CHGB: variants seen among roughly 807,000 people sequenced by gnomAD.
CHGB encodes the protein secretogranin-1.
A neutral mutation model predicts 69.9 loss-of-function variants in CHGB; 46 were observed. The observed-to-expected ratio is 0.66, with a 90% CI of 0.52 to 0.84. The LOEUF (loss-of-function observed/expected upper bound fraction) is 0.84, where lower values mean the gene tolerates loss of function less well. Ranked by LOEUF, CHGB falls within the 40% of genes least tolerant of loss-of-function variation. The probability of loss-of-function intolerance (pLI) is 0.00; values close to 1 mark genes in which losing one functional copy is unlikely to be tolerated. For missense variants in CHGB, 796 were observed against 822.2 expected (o/e 0.97, Z 0.39); for synonymous variants, 312 against 298.2 (o/e 1.05, Z -0.48).
chr20:5,915,728 CT>C (rs35931464), intron 1 of CHGB: 13,837 of 147,754 alleles, frequency 0.094, 1,008 homozygotes, highest in Admixed American at 0.18. Flanking sequence ...TTGGTTTAAA[CT>C]TTTTTTTTTT....
intron 4 of CHGB, among the ~76,000 whole-genome samples, 199 bp downstream of exon 4, chr20:5,924,299 C>T (rs1171917901): frequency 6.6e-6 from 1 of 152,196 alleles, no homozygotes; most frequent in East Asian, 1.9e-4. Context: ...TTGTCCACCT[C>T]ACTCGGTTGC....
intron 3 of CHGB, among the ~76,000 whole-genome samples, chr20:5,920,008 T>C (rs1463023585): frequency 6.8e-6 from 1 of 147,810 alleles, no homozygotes; most frequent in East Asian, 1.9e-4. Flanking sequence ...TGGTCATCCT[T>C]ACAGCATGAC....
chr20:5,916,733 G>A (rs536872116), intron 2 of CHGB, 93 bp from the exon 3 acceptor site: 9 of 1,130,086 alleles, frequency 8.0e-6, no homozygotes, highest in South Asian at 2.5e-5. Context: ...CCCAGGTCAC[G>A]TAATCAAGTC....
intron 4 of CHGB, among the ~76,000 whole-genome samples, 166 bp downstream of exon 4, chr20:5,924,266 A>G (rs1026459767): frequency 6.6e-6 from 1 of 152,120 alleles, no homozygotes; most frequent in African/African-American, 2.4e-5. Flanking sequence ...GTTTCCACCT[A>G]CCTCTAGCCA....
At chr20:5,911,817 C>T (rs2088448688) in intron 1 of CHGB, 135 bp downstream of exon 1, 1 of 844,938 alleles carries the variant, frequency 1.2e-6, no homozygotes, top group African/African-American at 1.8e-5. Context: ...TGCTTCGTTT[C>T]TTCTCCTCCC....
intron 1 of CHGB, chr20:5,915,534 T>C (rs1320596899): frequency 3.3e-5 from 5 of 152,096 alleles, no homozygotes; most frequent in Admixed American, 6.6e-5. Context: ...GCAAAGGCCT[T>C]GCGGGTGAAA....
At chr20:5,916,258 G>C in intron 1 of CHGB, 68 bp from the exon 2 acceptor site, 3 of 1,222,230 alleles carry the variant, frequency 2.5e-6, no homozygotes, top group Non-Finnish European at 3.6e-6. Context: ...GGGTGATTTT[G>C]TCAGTTGGGG....
chr20:5,922,395 G>A lies in CHGB; in HGVS notation c.251G>A (p.Arg84Lys). 1 of 1,595,096 alleles carries A rather than the reference G, an allele frequency of 6.3e-7. No homozygotes were observed. Among genetic ancestry groups the A allele is most frequent in the Non-Finnish European group, 8.6e-7 (1 of 1,167,180 alleles). Reference protein sequence around the residue: ...TENENTKFEVRLLRDPADASE... With the variant: ...TENENTKFEVKLLRDPADASE... ...AATGAAAACACAAAGTTTGAAGTAAGATTGTTAAGAGACCCAGCTGATGCC... is the reference window on the plus strand; with the variant it reads ...AATGAAAACACAAAGTTTGAAGTAAAATTGTTAAGAGACCCAGCTGATGCC... Residue 84 changes from arginine to lysine, a missense_variant, in exon 4 of 5, where the codon AGA becomes AAA. By Grantham distance (26) the Arg-to-Lys change is conservative. Coordinates refer to ENST00000378961, the MANE Select transcript of CHGB (RefSeq NM_001819.3).
In CHGB at chr20:5,923,723, G is replaced by T. The variant is rs947737988; in HGVS notation, c.1579G>T (p.Asp527Tyr). The T allele has an allele frequency of 2.2e-5, 35 of 1,614,122 alleles. No homozygotes were observed. Among genetic ancestry groups the T allele is most frequent in the Non-Finnish European group, 2.6e-5 (31 of 1,180,028 alleles). ...AGGGGAACTGTTCAACCCATACTACGACCCTCTCCAGTGGAAGAGCAGCCA... is the reference window on the plus strand; with the variant it reads ...AGGGGAACTGTTCAACCCATACTACTACCCTCTCCAGTGGAAGAGCAGCCA... ...RLGELFNPYY[D>Y]PLQWKSSHFE... is the part of the protein sequence containing the mutation. Residue 527 changes from aspartate to tyrosine, a missense_variant, in exon 4 of 5, where the codon GAC becomes TAC. Around this residue, in one of 3 missense-constraint regions of CHGB, gnomAD observed 274 missense variants for 298.9 expected, o/e 0.92. Coordinates refer to ENST00000378961, the MANE Select transcript of CHGB (RefSeq NM_001819.3).
Position 5,923,441 on chromosome 20 carries a change from G to C in CHGB, c.1297G>C (p.Asp433His). 1 of 1,614,088 alleles carries C rather than the reference G, an allele frequency of 6.2e-7. No homozygotes were observed. Among genetic ancestry groups the C allele is most frequent in the Non-Finnish European group, 8.5e-7 (1 of 1,180,028 alleles). The change falls in exon 4 of 5, where the codon GAC (aspartate) becomes CAC (histidine). Residue 433 changes from aspartate (D) to histidine (H), a missense_variant. Asp to His is a moderately conservative substitution (Grantham distance 81). Around this residue, in one of 3 missense-constraint regions of CHGB, gnomAD observed 274 missense variants for 298.9 expected, o/e 0.92. Transcript: ENST00000378961. ...GGAGCCACGTGCCTATTTCATGTCT[G>C]ACACCAGAGAAGAGAAAAGGTTCTT... ...GGEPRAYFMS[D>H]TREEKRFLGE...
rs1028275390 is a variant in CHGB, at chr20:5,922,675, G to A, written c.531G>A (p.Glu177=). Residue 177 remains glutamate, a synonymous_variant, in exon 4 of 5, where the codon GAG becomes GAA. Coordinates refer to ENST00000378961, the MANE Select transcript of CHGB (RefSeq NM_001819.3). ...AGGGAGAGAACTATCAAAAAGGGGA[G>A]CGAGGGGAAGATAGCAGTGAAGAGA... ...EEEGENYQKG[E]RGEDSSEEKH... is the part of the protein sequence containing the mutation. 64 of 1,613,860 alleles carry A rather than the reference G, an allele frequency of 4.0e-5. No homozygotes were observed. The highest frequency in any genetic ancestry group is 5.3e-5 in the Non-Finnish European group (62 of 1,179,908).
intron 1 of CHGB, chr20:5,914,610 T>C (rs1425309824): frequency 6.6e-6 from 1 of 152,220 alleles, no homozygotes; most frequent in East Asian, 1.9e-4. Context: ...GGAGTTATTC[T>C]CTCGCAGTCA....
Position 5,923,299 on chromosome 20 carries a change from C to G in CHGB, c.1155C>G (p.Asp385Glu). 2 of 1,613,362 alleles carry G rather than the reference C, an allele frequency of 1.2e-6. No individual in the cohort carries two copies. Among genetic ancestry groups the G allele is most frequent in the Non-Finnish European group, 1.7e-6 (2 of 1,179,958 alleles). ...GTGAGGAGAGTTGGGATGAGGAGGA[C>G]AAGAGAAACTACCCCAGCTTAGAGC... ...PQSEESWDEE[D>E]KRNYPSLELD... The change falls in exon 4 of 5, where the codon GAC (aspartate) becomes GAG (glutamate). Residue 385 changes from aspartate to glutamate, a missense_variant. By Grantham distance (45) the Asp-to-Glu change is conservative. Around this residue, in one of 3 missense-constraint regions of CHGB, gnomAD observed 518 missense variants for 506.3 expected, o/e 1.02. Transcript: ENST00000378961.
At chr20:5,918,196 A>T (rs1372264703) in intron 3 of CHGB, among the ~76,000 whole-genome samples, 1 of 148,352 alleles carries the variant, frequency 6.7e-6, no homozygotes, top group East Asian at 2.0e-4. Context: ...AGCCTGGCCA[A>T]TATGGTGAAA....
chr20:5,922,921 C>A lies in CHGB; in HGVS notation c.777C>A (p.Ser259Arg). 4.3e-6 allele frequency: 7 copies of A among 1,613,110 alleles called. No individual in the cohort carries two copies. The highest frequency in any genetic ancestry group is 5.9e-6 in the Non-Finnish European group (7 of 1,179,572). ...AGGAGTCTAAAGGCCAACCCCGAAG[C>A]CAGGAAGAATCTGAGGAAGGTGAGG... ...HPQESKGQPR[S>R]QEESEEGEED... The change falls in exon 4 of 5, where the codon AGC (serine) becomes AGA (arginine). Residue 259 changes from serine to arginine, a missense_variant. By Grantham distance (110) the Ser-to-Arg change is moderately radical. Coordinates refer to ENST00000378961, the MANE Select transcript of CHGB (RefSeq NM_001819.3).
rs868621067 is a variant in CHGB at position 5,923,076 on chromosome 20, C to A, written c.932C>A (p.Ser311Tyr). Residue 311 changes from serine (S) to tyrosine (Y), a missense_variant, in exon 4 of 5, where the codon TCT becomes TAT. By Grantham distance (144) the Ser-to-Tyr change is moderately radical. Coordinates refer to ENST00000378961, the MANE Select transcript of CHGB (RefSeq NM_001819.3). ...GAAAAGGGACACCCCCAGGAGGAAT[C>A]TGAGGAGTCAAACGTCAGCATGGCC... The part of the protein sequence containing the change: ...SEEKGHPQEE[S>Y]EESNVSMASL... 2.5e-6 allele frequency: 4 copies of A among 1,614,070 alleles called. No homozygotes were observed. Among genetic ancestry groups the A allele is most frequent in the Non-Finnish European group, 3.4e-6 (4 of 1,180,014 alleles).
intron 1 of CHGB, among the ~76,000 whole-genome samples, chr20:5,912,016 G>A (rs1275311101): frequency 3.9e-5 from 6 of 152,122 alleles, no homozygotes; most frequent in Non-Finnish European, 8.8e-5. Flanking sequence ...CACTCTCTCT[G>A]CCCGTCTAGA....
Position 5,922,320 on chromosome 20 carries a change from T to G in CHGB, c.191-15T>G. ...GCAATTCTGAAATTATACCTACTCT[T>G]CATTTTCATTATAGGTAGAAAAGAC... On this transcript the variant is annotated splice_polypyrimidine_tract_variant and intron_variant, in intron 3 of 4. Coordinates refer to ENST00000378961, the MANE Select transcript of CHGB (RefSeq NM_001819.3). The G allele has an allele frequency of 6.6e-7, 1 of 1,516,304 alleles. No individual in the cohort carries two copies. The highest frequency in any genetic ancestry group is 8.8e-7 in the Non-Finnish European group (1 of 1,131,566). The allele number at this position is 1,516,304 out of a possible 1,614,324, so 93.9% of individuals were successfully genotyped here. A position where few individuals can be genotyped will look rare whatever the true frequency, so the allele number is the denominator to read the frequency against.
At chr20:5,915,359 A>G (rs1363514116) in intron 1 of CHGB, 1 of 152,248 alleles carries the variant, frequency 6.6e-6, no homozygotes, top group African/African-American at 2.4e-5. Context: ...TTTCTTTTAA[A>G]ATATTCTTAT....
Sources: allele counts gnomAD v4.1 joint callset (sites outside exome capture counted in the v4.1 genomes callset), GRCh38; gene constraint gnomAD v4.1.1; regional missense constraint gnomAD v4.1.1; transcripts MANE v1.5; gene names NCBI Gene and HGNC (gene_info 2026-07-23, HGNC 2026-07-21).